The following ZNF292 variants were observed in gnomAD, a reference collection of about 807,000 sequenced individuals.
ZNF292 encodes the protein zinc finger protein 292.
In ZNF292, 26 loss-of-function variants were observed where a neutral mutation model predicts 217.9. The observed-to-expected ratio is 0.12, with a 90% confidence interval of 0.09 to 0.17. The LOEUF is 0.17. Ranked by LOEUF, ZNF292 falls within the 10% of genes least tolerant of loss-of-function variation. The pLI is 1.00. For synonymous variants in ZNF292, 1,257 were observed against 1,124.1 expected (o/e 1.12, Z -2.37); for missense variants, 2,904 against 3,175.2 (o/e 0.91, Z 2.05).
intron 1 of ZNF292, among the ~76,000 whole-genome samples, chr6:87,158,045 T>C (rs1770603996): frequency 6.6e-6 from 1 of 152,216 alleles, no homozygotes; most frequent in Non-Finnish European, 1.5e-5. Context: ...AACAGCATTT[T>C]AAAAATCAGA....
chr6:87,232,313 G>T (rs1582464193), intron 4 of ZNF292, among the ~76,000 whole-genome samples: 1 of 152,166 alleles, frequency 6.6e-6, no homozygotes, highest in South Asian at 2.1e-4. Context: ...GATATTACAA[G>T]AAGTAAAGAA....
In ZNF292 at chr6:87,256,512, C is replaced by T; in HGVS notation, c.2883C>T (p.Gly961=). ...FGKQENSTVE[G]SGEALVTDLH... is the part of the protein sequence containing the mutation. ...AGCAAGAAAACTCAACTGTGGAAGGCAGTGGTGAAGCACTGGTCACAGACT... is the reference window on the plus strand; with the variant it reads ...AGCAAGAAAACTCAACTGTGGAAGGTAGTGGTGAAGCACTGGTCACAGACT... The change falls in exon 8 of 8, where the codon GGC becomes GGT. Residue 961 remains glycine (G), a synonymous_variant. Coordinates refer to ENST00000369577, the MANE Select transcript of ZNF292 (RefSeq NM_015021.3). 6.2e-7 allele frequency: 1 copy of T among 1,612,610 alleles called. No homozygotes were observed. The highest frequency in any genetic ancestry group is 8.5e-7 in the Non-Finnish European group (1 of 1,179,826).
At chr6:87,170,497 A>G (rs1255355371) in intron 1 of ZNF292, 3 of 152,220 alleles carry the variant, frequency 2.0e-5, no homozygotes, top group African/African-American at 4.8e-5. Context: ...CAATAAATTG[A>G]TCAGTATATC....
chr6:87,236,039 A>G (rs920255525), intron 5 of ZNF292, among the ~76,000 whole-genome samples: 6 of 152,236 alleles, frequency 3.9e-5, no homozygotes, highest in African/African-American at 1.4e-4. Flanking sequence ...TTAGAAACTT[A>G]TTCATTGTTC....
At chr6:87,230,632 G>T (rs1293855796) in intron 4 of ZNF292, among the ~76,000 whole-genome samples, 1 of 151,938 alleles carries the variant, frequency 6.6e-6, no homozygotes, top group African/African-American at 2.4e-5. Context: ...TACTTGGGAG[G>T]CTGAGGCAGG....
Position 87,260,784 on chromosome 6 carries a change from G to C in ZNF292, c.7155G>C (p.Gln2385His). 6.2e-7 allele frequency: 1 copy of C among 1,613,268 alleles called. No homozygotes were observed. The highest frequency in any genetic ancestry group is 8.5e-7 in the Non-Finnish European group (1 of 1,179,556). Reference protein sequence around the residue: ...LSECTSRFVTQYPCMIKGCTS... With the variant: ...LSECTSRFVTHYPCMIKGCTS... ...AGTGTACAAGCAGATTTGTAACCCA[G>C]TATCCATGTATGATAAAGGGATGTA... Residue 2385 changes from glutamine to histidine, a missense_variant, in exon 8 of 8, where the codon CAG becomes CAC. By Grantham distance (24) the Gln-to-His change is conservative. Around this residue, in one of 15 missense-constraint regions of ZNF292, gnomAD observed 27 missense variants for 52.3 expected, o/e 0.52. Transcript: ENST00000369577.
intron 1 of ZNF292, among the ~76,000 whole-genome samples, chr6:87,164,795 C>T (rs1304806743): frequency 7.0e-6 from 1 of 142,044 alleles, no homozygotes; most frequent in African/African-American, 2.7e-5. Flanking sequence ...TGGAGTCTTG[C>T]TCTGTCGCAC....
intron 1 of ZNF292, among the ~76,000 whole-genome samples, chr6:87,203,478 G>A (rs1291666589): frequency 6.6e-6 from 1 of 151,862 alleles, no homozygotes; most frequent in Non-Finnish European, 1.5e-5. Flanking sequence ...ACGTTTCTAG[G>A]ATAACACCTA....
chr6:87,238,320 C>T (rs902868618), intron 5 of ZNF292, among the ~76,000 whole-genome samples: 1 of 151,936 alleles, frequency 6.6e-6, no homozygotes, highest in African/African-American at 2.4e-5. Flanking sequence ...AACCCCGTCT[C>T]TACGAAAATA....
chr6:87,188,739 T>C (rs946072668), intron 1 of ZNF292, among the ~76,000 whole-genome samples: 5 of 150,418 alleles, frequency 3.3e-5, no homozygotes, highest in Non-Finnish European at 7.4e-5. Flanking sequence ...TTAAACAGTT[T>C]AATTCACTGT....
rs1775321033 is a variant in ZNF292 at position 87,257,898 on chromosome 6, C to T, written c.4269C>T (p.Ala1423=). The stretch of plus-strand genomic sequence containing the variant: ...GTAATGGACAGCCTTCTCTTCTTGC[C>T]AGCATGATTCTCTCCACAAATGCAG... ...LQSNGQPSLL[A]SMILSTNAVN... Residue 1423 remains alanine, a synonymous_variant, in exon 8 of 8, where the codon GCC becomes GCT. Transcript: ENST00000369577. 1.2e-6 allele frequency: 2 copies of T among 1,613,868 alleles called. No individual in the cohort carries two copies. The highest frequency in any genetic ancestry group is 1.7e-6 in the Non-Finnish European group (2 of 1,179,814).
At chr6:87,241,483 G>A (rs1774284394) in intron 5 of ZNF292, among the ~76,000 whole-genome samples, 1 of 147,934 alleles carries the variant, frequency 6.8e-6, no homozygotes, top group South Asian at 2.1e-4. Flanking sequence ...ATGCAGTGGT[G>A]CGATTTTGTC....
intron 1 of ZNF292, among the ~76,000 whole-genome samples, chr6:87,195,853 C>A (rs1771940224): frequency 1.3e-5 from 2 of 151,768 alleles, no homozygotes; most frequent in African/African-American, 4.8e-5. Context: ...CGTGGGGAAA[C>A]CCCGTCTCTA....
In ZNF292 at chr6:87,261,927, CAAAA is replaced by C. The variant is rs961536189; in HGVS notation, c.*129_*132del. On this transcript the variant is annotated 3_prime_UTR_variant, in exon 8 of 8. Transcript: ENST00000369577. ...TGACATGAATTAACCTGGCCAAAAA[CAAAA>C]AAGAAAAAAAAAACATGACATTTGT... The C allele has an allele frequency of 2.1e-5, 13 of 626,508 alleles. No individual in the cohort carries two copies. The Admixed American group carries it at 3.1e-4, about 15-fold the overall frequency. The allele number at this position is 626,508 out of a possible 1,614,324, so 38.8% of individuals were successfully genotyped here.
intron 1 of ZNF292, among the ~76,000 whole-genome samples, chr6:87,157,006 T>G (rs569370065): frequency 2.0e-5 from 3 of 152,236 alleles, no homozygotes; most frequent in African/African-American, 7.2e-5. Context: ...GATCTTAACG[T>G]AGAACAATGG....
At chr6:87,186,546 G>A (rs1455961941) in intron 1 of ZNF292, among the ~76,000 whole-genome samples, 1 of 152,220 alleles carries the variant, frequency 6.6e-6, no homozygotes, top group Non-Finnish European at 1.5e-5. Context: ...ATACTGTATG[G>A]ATGTGCCTTA....
intron 1 of ZNF292, among the ~76,000 whole-genome samples, chr6:87,179,650 A>G (rs566723719): frequency 1.3e-5 from 2 of 152,186 alleles, no homozygotes; most frequent in East Asian, 3.8e-4. Context: ...CGGCTTATAT[A>G]GTTTTTCAAG....
chr6:87,198,726 A>G (rs1224975188), intron 1 of ZNF292, among the ~76,000 whole-genome samples: 1 of 152,218 alleles, frequency 6.6e-6, no homozygotes, highest in Non-Finnish European at 1.5e-5. Context: ...TTCAAAAAAG[A>G]ATATGGTGCA....
In ZNF292 at chr6:87,264,442, T is replaced by C. The variant is rs76157644; in HGVS notation, c.*2641T>C. ...GGGCTAGACATATTTTTAAGGCAAATTTTTATCAAGTGAGCAGTCACAGTT... is the reference window on the plus strand; with the variant it reads ...GGGCTAGACATATTTTTAAGGCAAACTTTTATCAAGTGAGCAGTCACAGTT... On this transcript the variant is annotated 3_prime_UTR_variant, in exon 8 of 8. Coordinates refer to ENST00000369577, the MANE Select transcript of ZNF292 (RefSeq NM_015021.3). Among the ~76,000 whole-genome samples the C allele has an allele frequency of 3.3e-3, 500 of 152,344 alleles. 2 individuals carry two copies. The highest frequency in any genetic ancestry group is 0.012 in the African/African-American group (482 of 41,586).
Sources: allele counts gnomAD v4.1 joint callset (sites outside exome capture counted in the v4.1 genomes callset), GRCh38; gene constraint gnomAD v4.1.1; regional missense constraint gnomAD v4.1.1; transcripts MANE v1.5; gene names NCBI Gene and HGNC (gene_info 2026-07-23, HGNC 2026-07-21).